Variants in CHAT observed in about 807,000 individuals in gnomAD.
CHAT encodes the protein acetyl CoA:choline O-acetyltransferase.
Under a neutral mutation model 76.9 loss-of-function variants are expected in CHAT, and 61 were observed. That is an observed-to-expected ratio of 0.79 (90% confidence interval 0.65 to 0.98). CHAT has a LOEUF of 0.98. CHAT is among the 50% of genes least tolerant of loss of function. The pLI, the probability that CHAT is intolerant of heterozygous loss-of-function variation, is 0.00. For synonymous variants in CHAT, 407 were observed against 397.4 expected (o/e 1.02, Z -0.29); for missense variants, 946 against 986.9 (o/e 0.96, Z 0.56).
At chr10:49,643,719 C>G (rs545776571) in intron 7 of CHAT, among the ~76,000 whole-genome samples, 5 of 152,218 alleles carry the variant, frequency 3.3e-5, no homozygotes, top group Admixed American at 1.3e-4. Context: ...TGGCCTTTCC[C>G]CTTCCCATTA....
At chr10:49,612,009 C>T (rs202245540), upstream of CHAT, 6 of 1,613,768 alleles carry the variant, frequency 3.7e-6, no homozygotes, top group Non-Finnish European at 4.2e-6. Context: ...TCTACGCCAT[C>T]GCCGACATCT....
chr10:49,611,186 T>C, upstream of CHAT: 1 of 1,614,146 alleles, frequency 6.2e-7, no homozygotes, highest in Non-Finnish European at 8.5e-7. Flanking sequence ...ATCGACCGCA[T>C]GAGCTACGAC....
At chr10:49,619,942 T>TA in intron 3 of CHAT, 26 bp downstream of exon 3, 2 of 1,593,540 alleles carry the variant, frequency 1.3e-6, no homozygotes, top group South Asian at 2.3e-5. Context: ...AAGGAACCCA[T>TA]AGAAGAGGGG....
intron 7 of CHAT, among the ~76,000 whole-genome samples, chr10:49,639,918 G>T (rs377353511): frequency 6.6e-6 from 1 of 152,026 alleles, no homozygotes; most frequent in Non-Finnish European, 1.5e-5. Context: ...GTGTTATTCC[G>T]TCTTCAAGTT....
At chr10:49,611,939 C>A (rs1819231413), upstream of CHAT, 1 of 1,612,374 alleles carries the variant, frequency 6.2e-7, no homozygotes, top group Non-Finnish European at 8.5e-7. Context: ...GTCGACACAG[C>A]ACTGCTGCCC....
chr10:49,621,301 A>G (rs1260363211), intron 4 of CHAT, among the ~76,000 whole-genome samples: 1 of 152,096 alleles, frequency 6.6e-6, no homozygotes, highest in East Asian at 1.9e-4. Context: ...TAGCCATGCT[A>G]GGAAGACCTC....
rs752704980 is a variant in CHAT at position 49,666,688 on chromosome 10, T to A, written c.*1642T>A. Among the ~76,000 whole-genome samples, 1 of 152,180 alleles carries A rather than the reference T, an allele frequency of 6.6e-6. No homozygotes were observed. Among genetic ancestry groups the A allele is most frequent in the Non-Finnish European group, 1.5e-5 (1 of 68,028 alleles). On this transcript the variant is annotated 3_prime_UTR_variant, in exon 15 of 15. Coordinates refer to ENST00000337653, the MANE Select transcript of CHAT (RefSeq NM_020549.5). ...GAAGTGAGTTCCTTGAACCCCTGGT[T>A]TTAGATGGAGGATCTCTATTAGATG...
In CHAT at chr10:49,648,519, C is replaced by T. The variant is rs1839755896; in HGVS notation, c.1294C>T (p.Arg432Ter). 2 of 1,613,700 alleles carry T rather than the reference C, an allele frequency of 1.2e-6. No homozygotes were observed. Among genetic ancestry groups the T allele is most frequent in the South Asian group, 1.1e-5 (1 of 91,040 alleles). ...TTTCCTGTTGCAGTTTGTGGTGGGCCGAGACGGCACCTGCGGTGTGGTGTG... is the reference window on the plus strand; with the variant it reads ...TTTCCTGTTGCAGTTTGTGGTGGGCTGAGACGGCACCTGCGGTGTGGTGTG... ...YDKSLQFVVGRDGTCGVVCEH... is the reference protein window; with the variant it reads ...YDKSLQFVVG The change falls in exon 9 of 15, where the codon CGA becomes TGA. Residue 432 changes from arginine (R) to a stop codon, truncating the protein, a stop_gained. Coordinates refer to ENST00000337653, the MANE Select transcript of CHAT (RefSeq NM_020549.5). LOFTEE classifies it high-confidence loss of function.
chr10:49,655,933 A>C (rs953118491), intron 13 of CHAT, among the ~76,000 whole-genome samples: 5 of 152,180 alleles, frequency 3.3e-5, no homozygotes, highest in African/African-American at 1.2e-4. Context: ...AGGGAAATCA[A>C]ACTTGCAAGG....
chr10:49,659,483 C>A (rs1231750513), intron 13 of CHAT, among the ~76,000 whole-genome samples: 1 of 152,146 alleles, frequency 6.6e-6, no homozygotes, highest in Non-Finnish European at 1.5e-5. Context: ...TTGTTGAGTA[C>A]ACCTAGAGAG....
chr10:49,664,647 A>C (rs1354162883), intron 14 of CHAT, 130 bp from the exon 15 acceptor site: 2 of 1,161,618 alleles, frequency 1.7e-6, no homozygotes, highest in Admixed American at 3.4e-5. Flanking sequence ...GTGTCCATCC[A>C]TGCTAAAGCA....
upstream of CHAT, chr10:49,612,001 T>C (rs1838311491): frequency 6.2e-7 from 1 of 1,613,664 alleles, no homozygotes; most frequent in Non-Finnish European, 8.5e-7. Context: ...TGGCAGCGTC[T>C]ACGCCATCGC....
At chr10:49,612,303 C>CCCTTTTGAT (rs763592406), upstream of CHAT, 3 of 1,608,610 alleles carry the variant, frequency 1.9e-6, no homozygotes, top group Non-Finnish European at 2.5e-6. Flanking sequence ...TTGATGCGTG[C>CCCTTTTGAT]GAGGACGACT....
At position 49,648,625 on chromosome 10, in the gene CHAT, G is replaced by A. The variant is rs762879333; in HGVS notation, c.1382+18G>A. On this transcript the variant is annotated intron_variant, in intron 9 of 14. Coordinates refer to ENST00000337653, the MANE Select transcript of CHAT (RefSeq NM_020549.5). ...AAGCACGTGTGAGTCTGGATCCCAGGGCTGCCATGCTGGGCCCAAAAAAAT... is the reference window on the plus strand; with the variant it reads ...AAGCACGTGTGAGTCTGGATCCCAGAGCTGCCATGCTGGGCCCAAAAAAAT... 8.2e-6 allele frequency: 13 copies of A among 1,577,236 alleles called. No individual in the cohort carries two copies. The highest frequency in any genetic ancestry group is 1.1e-5 in the South Asian group (1 of 89,462).
chr10:49,637,743 T>G (rs1322859874), intron 7 of CHAT: 3 of 152,218 alleles, frequency 2.0e-5, no homozygotes, highest in Non-Finnish European at 4.4e-5. Flanking sequence ...ACAGACTCCC[T>G]CTTTGACCCA....
chr10:49,621,052 A>G (rs1838689632), intron 4 of CHAT, among the ~76,000 whole-genome samples: 1 of 152,226 alleles, frequency 6.6e-6, no homozygotes, highest in Non-Finnish European at 1.5e-5. Context: ...CCTCCCTGCC[A>G]GCAGCCAGAG....
At chr10:49,623,629 C>T (rs944681539) in intron 5 of CHAT, among the ~76,000 whole-genome samples, 6 of 152,172 alleles carry the variant, frequency 3.9e-5, no homozygotes. Flanking sequence ...CAGCCATCCC[C>T]ACCGGGGTGT....
intron 10 of CHAT, among the ~76,000 whole-genome samples, chr10:49,651,450 C>T (rs1839874744): frequency 6.6e-6 from 1 of 152,196 alleles, no homozygotes; most frequent in African/African-American, 2.4e-5. Flanking sequence ...AGACCCCAGA[C>T]TCCTGATGGA....
intron 14 of CHAT, among the ~76,000 whole-genome samples, chr10:49,663,374 G>A (rs1057406885): frequency 2.0e-5 from 3 of 152,146 alleles, no homozygotes; most frequent in Admixed American, 6.5e-5. Flanking sequence ...TCAATCTATT[G>A]CCGCGGTTTC....
Sources: gnomAD v4.1 joint callset for allele counts (sites outside exome capture counted in the v4.1 genomes callset) on GRCh38, gnomAD v4.1.1 for gene constraint, MANE v1.5 for transcripts, NCBI Gene and HGNC (gene_info 2026-07-23, HGNC 2026-07-21) for gene names.